CSGALNACT1: variants seen among roughly 807,000 people sequenced by gnomAD.
The protein encoded by CSGALNACT1 is chondroitin sulfate N-acetylgalactosaminyltransferase 1, also known as beta4GalNAcT-1.
In CSGALNACT1, 52 loss-of-function variants were observed where a neutral mutation model predicts 51.0. The ratio of observed to expected loss-of-function variants is 1.02; its 90% confidence interval spans 0.82 to 1.29. CSGALNACT1 has a LOEUF of 1.29. Among genes scored for constraint, CSGALNACT1 ranks in the 50% most tolerant of loss-of-function variants. The pLI is 0.00. For missense variants in CSGALNACT1, 935 were observed against 679.2 expected (o/e 1.38, Z -4.19); for synonymous variants, 341 against 254.4 (o/e 1.34, Z -3.24).
intron 1 of CSGALNACT1, among the ~76,000 whole-genome samples, chr8:19,637,402 A>C (rs1166818002): frequency 6.6e-6 from 1 of 151,938 alleles, no homozygotes; most frequent in Non-Finnish European, 1.5e-5. Flanking sequence ...GAAGATTTTT[A>C]TTTTACTGTT....
At chr8:19,643,693 C>T (rs1481232289) in intron 1 of CSGALNACT1, among the ~76,000 whole-genome samples, 1 of 150,522 alleles carries the variant, frequency 6.6e-6, no homozygotes, top group Non-Finnish European at 1.5e-5. Context: ...TGTTAATACA[C>T]AGATTTTCTG....
At chr8:19,553,480 C>G (rs185329277) in intron 3 of CSGALNACT1, among the ~76,000 whole-genome samples, 86 of 151,660 alleles carry the variant, frequency 5.7e-4, no homozygotes, top group African/African-American at 1.9e-3. Flanking sequence ...CTTCTCTCGC[C>G]TATCCCAAAC....
chr8:19,700,225 T>A (rs1242014775), intron 1 of CSGALNACT1, among the ~76,000 whole-genome samples: 1 of 152,124 alleles, frequency 6.6e-6, no homozygotes, highest in Non-Finnish European at 1.5e-5. Context: ...TATAAATTGT[T>A]TACTGCAGAC....
At chr8:19,647,853 T>C (rs1186881937) in intron 1 of CSGALNACT1, among the ~76,000 whole-genome samples, 1 of 152,206 alleles carries the variant, frequency 6.6e-6, no homozygotes, top group African/African-American at 2.4e-5. Context: ...AAAAGCTATA[T>C]GGGCAGTTTG....
chr8:19,644,388 A>G (rs2057046280), intron 1 of CSGALNACT1, among the ~76,000 whole-genome samples: 1 of 150,630 alleles, frequency 6.6e-6, no homozygotes, highest in African/African-American at 2.4e-5. Flanking sequence ...CACCTGAAAA[A>G]CAGTTCTTAA....
intron 4 of CSGALNACT1, among the ~76,000 whole-genome samples, chr8:19,484,214 G>T (rs1196169277): frequency 8.8e-6 from 1 of 114,210 alleles, no homozygotes; most frequent in South Asian, 2.7e-4. Flanking sequence ...ATACACCAAA[G>T]AGAAGCCATA....
chr8:19,618,867 T>A (rs932537563), intron 1 of CSGALNACT1, among the ~76,000 whole-genome samples: 18 of 152,026 alleles, frequency 1.2e-4, no homozygotes, highest in Non-Finnish European at 2.1e-4. Context: ...ATTATCACCA[T>A]CATCCATTTT....
intron 6 of CSGALNACT1, among the ~76,000 whole-genome samples, chr8:19,433,262 T>TCA (rs1428311338): frequency 1.3e-5 from 2 of 152,186 alleles, no homozygotes; most frequent in Non-Finnish European, 2.9e-5. Context: ...CCTTCAGCAC[T>TCA]CAGCCAGGCA....
rs941940665 is a variant in CSGALNACT1, at chr8:19,744,591, G to T, written c.-297+13259C>A. 5.0e-4 allele frequency among the ~76,000 whole-genome samples: 76 copies of T among 152,090 alleles called. 1 individual carries two copies. Among genetic ancestry groups the T allele is most frequent in the African/African-American group, 1.8e-3 (74 of 41,416 alleles). ...GTATGAATATATAATTTATTTATAG[G>T]TAACTTTTAAGAAAACACATAGTAT... is the stretch of plus-strand genomic sequence containing the variant. On this transcript the variant is annotated intron_variant, in intron 1 of 1. Transcript: ENST00000517494.
intron 1 of CSGALNACT1, among the ~76,000 whole-genome samples, chr8:19,727,912 A>C (rs2063490534): frequency 6.6e-6 from 1 of 152,186 alleles, no homozygotes; most frequent in Non-Finnish European, 1.5e-5. Context: ...AAATAAACAT[A>C]TATTTCCTTA....
intron 6 of CSGALNACT1, among the ~76,000 whole-genome samples, chr8:19,432,731 C>T (rs1031917049): frequency 2.0e-5 from 3 of 151,944 alleles, no homozygotes; most frequent in Non-Finnish European, 2.9e-5. Flanking sequence ...ATTAATTTTT[C>T]GTTTTTGTTA....
intron 3 of CSGALNACT1, among the ~76,000 whole-genome samples, chr8:19,562,457 G>T (rs1021862250): frequency 6.6e-6 from 1 of 150,734 alleles, no homozygotes; most frequent in East Asian, 1.9e-4. Flanking sequence ...ACTGACAAAT[G>T]GGGTTCAATT....
intron 3 of CSGALNACT1, among the ~76,000 whole-genome samples, chr8:19,586,407 G>GAAAAAA (rs34752027): frequency 1.1e-5 from 1 of 94,808 alleles, no homozygotes; most frequent in Non-Finnish European, 2.6e-5. Context: ...TAGTCTTATA[G>GAAAAAA]AAAAAAAAAA....
intron 4 of CSGALNACT1, among the ~76,000 whole-genome samples, chr8:19,474,330 A>T (rs955444824): frequency 5.9e-5 from 9 of 152,144 alleles, no homozygotes; most frequent in Non-Finnish European, 1.2e-4. Context: ...ATATAAAGAA[A>T]GTTGGAAACT....
chr8:19,571,103 T>C (rs1282332404), intron 3 of CSGALNACT1, among the ~76,000 whole-genome samples: 1 of 152,100 alleles, frequency 6.6e-6, no homozygotes, highest in Non-Finnish European at 1.5e-5. Flanking sequence ...CCCAAGTAAC[T>C]GGAACCAAAG....
intron 1 of CSGALNACT1, among the ~76,000 whole-genome samples, chr8:19,727,358 T>TTTGGA (rs1564477312): frequency 1.5e-5 from 2 of 134,274 alleles, no homozygotes; most frequent in Non-Finnish European, 3.2e-5. Context: ...TTTGGTTTGG[T>TTTGGA]TTGGTTTTAG....
intron 1 of CSGALNACT1, among the ~76,000 whole-genome samples, chr8:19,725,849 A>G (rs1224884308): frequency 6.6e-6 from 1 of 152,052 alleles, no homozygotes; most frequent in Non-Finnish European, 1.5e-5. Context: ...CATTACTCAC[A>G]TACCCTAGCA....
intron 3 of CSGALNACT1, among the ~76,000 whole-genome samples, chr8:19,513,930 C>A (rs924462277): frequency 1.3e-5 from 2 of 152,084 alleles, no homozygotes; most frequent in Admixed American, 6.5e-5. Context: ...TTCAAAGAAG[C>A]CAAAATGACC....
In CSGALNACT1 at chr8:19,473,042, A is replaced by G. The variant is rs544946750; in HGVS notation, c.635-14400T>C. ...TTAATGTATTACTGCTCTCAGTCAA[A>G]CAGGTCAGGACTCCATAGCAAGTAC... On this transcript the variant is annotated intron_variant, in intron 4 of 9. Transcript: ENST00000454498. Among the ~76,000 whole-genome samples, 124 of 152,286 alleles carry G rather than the reference A, an allele frequency of 8.1e-4. 1 individual carries two copies. Among genetic ancestry groups the G allele is most frequent in the African/African-American group, 2.9e-3 (121 of 41,550 alleles).
Sources: gnomAD v4.1 joint callset for allele counts (sites outside exome capture counted in the v4.1 genomes callset) on GRCh38, gnomAD v4.1.1 for gene constraint, MANE v1.5 for transcripts, NCBI Gene and HGNC (gene_info 2026-07-23, HGNC 2026-07-21) for gene names.